The following ZNF710 variants were observed in gnomAD, a reference collection of about 807,000 sequenced individuals.
ZNF710 encodes the protein zinc finger protein 710.
ZNF710 carries 13 observed loss-of-function variants against 50.6 expected under a neutral mutation model. The observed-to-expected ratio is 0.26, with a 90% CI of 0.17 to 0.41. The LOEUF (loss-of-function observed/expected upper bound fraction) is 0.41. ZNF710 is among the 10% of genes least tolerant of loss of function. The pLI is 1.00. For synonymous variants in ZNF710, 383 were observed against 397.0 expected (o/e 0.96, Z 0.42); for missense variants, 721 against 936.6 (o/e 0.77, Z 3.01).
intron 1 of ZNF710, among the ~76,000 whole-genome samples, chr15:90,065,252 C>G (rs1188154217): frequency 6.6e-6 from 1 of 152,142 alleles, no homozygotes; most frequent in African/African-American, 2.4e-5. Flanking sequence ...ACGCCTTGCC[C>G]GGAGCCGGTT....
chr15:90,027,435 CCTGACCTTAAATGAT>C (rs1443658195), intron 1 of ZNF710, among the ~76,000 whole-genome samples: 2 of 152,140 alleles, frequency 1.3e-5, no homozygotes, highest in Non-Finnish European at 2.9e-5. Context: ...GTCTCAATCT[CCTGACCTTAAATGAT>C]CCACCTGCCT....
intron 1 of ZNF710, among the ~76,000 whole-genome samples, chr15:90,056,495 G>T (rs1448715078): frequency 6.6e-6 from 1 of 152,108 alleles, no homozygotes; most frequent in East Asian, 1.9e-4. Flanking sequence ...TAAAATGATG[G>T]CATTGGACAG....
rs1215945417 is a variant in ZNF710 at position 90,035,630 on chromosome 15, G to A, written c.-28-31480G>A. Among the ~76,000 whole-genome samples, 4 of 152,210 alleles carry A rather than the reference G, an allele frequency of 2.6e-5. No individual in the cohort carries two copies. The South Asian group carries it at 8.3e-4, about 32-fold the overall frequency. ...TGAGTTAGGCCGGGCTCTCTAGCTG[G>A]GGCGGGAAGCCCCGCACTTCCTAAT... On this transcript the variant is annotated intron_variant, in intron 1 of 4. Coordinates refer to ENST00000268154, the MANE Select transcript of ZNF710 (RefSeq NM_198526.4).
intron 1 of ZNF710, among the ~76,000 whole-genome samples, chr15:90,027,065 T>C (rs1898801043): frequency 6.6e-6 from 1 of 152,010 alleles, no homozygotes; most frequent in Non-Finnish European, 1.5e-5. Context: ...AAAGAAAGAG[T>C]AAAAGTATTA....
At chr15:90,054,300 T>G in intron 1 of ZNF710, among the ~76,000 whole-genome samples, 1 of 150,742 alleles carries the variant, frequency 6.6e-6, no homozygotes, top group Non-Finnish European at 1.5e-5. Context: ...GAGAGGAAGA[T>G]GGGATGGAGA....
chr15:90,018,525 A>G (rs749123157), intron 1 of ZNF710, among the ~76,000 whole-genome samples: 5 of 152,150 alleles, frequency 3.3e-5, no homozygotes, highest in Non-Finnish European at 5.9e-5. Context: ...AGATTAACAA[A>G]TCTCAGATTA....
chr15:90,076,703 T>A (rs1305337421), intron 4 of ZNF710: 1 of 146,478 alleles, frequency 6.8e-6, no homozygotes, highest in Non-Finnish European at 1.5e-5. Context: ...ATTGTGTCAC[T>A]GCACTCCAGC....
chr15:90,061,739 G>A lies in ZNF710; in HGVS notation c.-28-5371G>A, dbSNP rs1012256395. Reference sequence around the variant, plus strand: ...TGTGAGCAGTGTGGGATGAGAGGAGGTGCTGTCACAGCTTGGGGAAGGGAC... The same window carrying A: ...TGTGAGCAGTGTGGGATGAGAGGAGATGCTGTCACAGCTTGGGGAAGGGAC... On this transcript the variant is annotated intron_variant, in intron 1 of 4. Coordinates refer to ENST00000268154, the MANE Select transcript of ZNF710 (RefSeq NM_198526.4). Among the ~76,000 whole-genome samples the A allele has an allele frequency of 2.0e-5, 3 of 152,308 alleles. No individual in the cohort carries two copies. The South Asian group carries it at 6.2e-4, about 32-fold the overall frequency.
intron 1 of ZNF710, among the ~76,000 whole-genome samples, chr15:90,066,367 T>C (rs967322199): frequency 1.3e-5 from 2 of 152,182 alleles, no homozygotes; most frequent in African/African-American, 4.8e-5. Flanking sequence ...TACAGTAGAA[T>C]GTGTTAGAAT....
At chr15:90,011,396 A>G (rs1464849384) in intron 1 of ZNF710, among the ~76,000 whole-genome samples, 5 of 152,208 alleles carry the variant, frequency 3.3e-5, no homozygotes, top group African/African-American at 4.8e-5. Context: ...GGTGTGAGCC[A>G]CCGTGCCTGG....
chr15:90,067,381 G>C lies in ZNF710; in HGVS notation c.244G>C (p.Glu82Gln), dbSNP rs776690386. 9 of 1,597,510 alleles carry C rather than the reference G, an allele frequency of 5.6e-6. No homozygotes were observed. In the South Asian group the frequency reaches 9.0e-5, roughly 16 times the overall value. Reference protein sequence around the residue: ...NGRALEEPAEEEVLEVEAACE... With the variant: ...NGRALEEPAEQEVLEVEAACE... ...GAGGGCCTTGGAGGAGCCGGCGGAGGAGGAGGTGCTGGAGGTGGAGGCAGC... is the reference window on the plus strand; with the variant it reads ...GAGGGCCTTGGAGGAGCCGGCGGAGCAGGAGGTGCTGGAGGTGGAGGCAGC... The change falls in exon 2 of 5, where the codon GAG becomes CAG. Residue 82 changes from glutamate (E) to glutamine (Q), a missense_variant. By Grantham distance (29) the Glu-to-Gln change is conservative. This residue lies in a region of ZNF710 where 326 missense variants were observed against 347.1 expected (regional missense o/e 0.94). Transcript: ENST00000268154. This position sits in a 1 kb window ranked among gnomAD's most constrained non-coding sequence, Gnocchi z 8.1.
Position 90,067,373 on chromosome 15 carries a change from C to T in ZNF710, c.236C>T (p.Pro79Leu), listed in dbSNP as rs776404384. Residue 79 changes from proline to leucine, a missense_variant, in exon 2 of 5, where the codon CCG becomes CTG. Coordinates refer to ENST00000268154, the MANE Select transcript of ZNF710 (RefSeq NM_198526.4). This position sits in a 1 kb window ranked among gnomAD's most constrained non-coding sequence, Gnocchi z 8.1. The part of the protein sequence containing the change: ...LACNGRALEE[P>L]AEEEVLEVEA... ...TGCAACGGGAGGGCCTTGGAGGAGCCGGCGGAGGAGGAGGTGCTGGAGGTG... is the reference window on the plus strand; with the variant it reads ...TGCAACGGGAGGGCCTTGGAGGAGCTGGCGGAGGAGGAGGTGCTGGAGGTG... 8 of 1,596,296 alleles carry T rather than the reference C, an allele frequency of 5.0e-6. No individual in the cohort carries two copies. The highest frequency in any genetic ancestry group is 3.4e-5 in the South Asian group (3 of 88,886).
chr15:90,064,079 G>A (rs1273598263), intron 1 of ZNF710, among the ~76,000 whole-genome samples: 1 of 152,196 alleles, frequency 6.6e-6, no homozygotes, highest in African/African-American at 2.4e-5. Context: ...CTGCCTTTGG[G>A]GAAGTTTACA....
chr15:90,044,522 G>A (rs1427387417), intron 1 of ZNF710, among the ~76,000 whole-genome samples: 1 of 152,228 alleles, frequency 6.6e-6, no homozygotes. Context: ...CTTGGGTTTG[G>A]CAGCCTGTGT....
At chr15:90,008,503 C>T (rs541084535) in intron 1 of ZNF710, among the ~76,000 whole-genome samples, 1 of 141,210 alleles carries the variant, frequency 7.1e-6, no homozygotes, top group South Asian at 2.1e-4. Flanking sequence ...GGGTTGGAGG[C>T]CGGGCACAGT....
At chr15:90,035,913 C>G (rs1899109095) in intron 1 of ZNF710, among the ~76,000 whole-genome samples, 3 of 152,188 alleles carry the variant, frequency 2.0e-5, no homozygotes, top group Non-Finnish European at 4.4e-5. Flanking sequence ...ACGTGGGGCC[C>G]CAGGCAGTGG....
intron 1 of ZNF710, among the ~76,000 whole-genome samples, chr15:90,011,474 T>C (rs1472351946): frequency 6.6e-6 from 1 of 152,232 alleles, no homozygotes; most frequent in Non-Finnish European, 1.5e-5. Flanking sequence ...GTAAAGACCT[T>C]AGAATGCTTT....
At chr15:90,078,354 C>T (rs1900643625) in intron 4 of ZNF710, among the ~76,000 whole-genome samples, 1 of 152,178 alleles carries the variant, frequency 6.6e-6, no homozygotes, top group African/African-American at 2.4e-5. Context: ...CTCATGGTCA[C>T]AAGATGGCTG....
At chr15:90,056,507 A>T (rs186879270) in intron 1 of ZNF710, among the ~76,000 whole-genome samples, 3 of 152,042 alleles carry the variant, frequency 2.0e-5, no homozygotes, top group Non-Finnish European at 4.4e-5. Context: ...ATTGGACAGG[A>T]GGGTCCCCAA....
Sources: gnomAD v4.1 joint callset for allele counts (sites outside exome capture counted in the v4.1 genomes callset) on GRCh38, gnomAD v4.1.1 for gene constraint, gnomAD v4.1.1 regional missense constraint, Gnocchi (gnomAD v3.1) non-coding constraint, MANE v1.5 for transcripts, NCBI Gene and HGNC (gene_info 2026-07-23, HGNC 2026-07-21) for gene names.